CCP110: variants seen among roughly 807,000 people sequenced by gnomAD.
CCP110 encodes the protein centriolar coiled-coil protein of 110 kDa.
Under a neutral mutation model 105.5 loss-of-function variants are expected in CCP110, and 43 were observed. That is an observed-to-expected ratio of 0.41 (90% CI 0.32 to 0.53). The LOEUF (loss-of-function observed/expected upper bound fraction) is 0.53. CCP110 is among the 20% of genes least tolerant of loss of function. The probability of loss-of-function intolerance (pLI) is 0.32; values close to 1 mark genes in which losing one functional copy is unlikely to be tolerated. For synonymous variants in CCP110, 353 were observed against 392.1 expected (o/e 0.90, Z 1.18); for missense variants, 1,016 against 1,189.1 (o/e 0.85, Z 2.14).
At chr16:19,532,658 C>G (rs1264262451) in intron 3 of CCP110, 114 bp downstream of exon 3, 25 of 819,934 alleles carry the variant, frequency 3.0e-5, no homozygotes, top group Non-Finnish European at 4.3e-5. Flanking sequence ...TTTACTGTTA[C>G]GTTTGAGAAG....
At chr16:19,536,148 A>G (rs1304924670) in exon 4 of CCP110, 4 of 1,613,764 alleles carry the variant, frequency 2.5e-6, no homozygotes, top group Non-Finnish European at 3.4e-6. Context: ...GATGGAATAG[A>G]CTTAGCTAGA....
intron 5 of CCP110, among the ~76,000 whole-genome samples, 164 bp from the exon 6 acceptor site, chr16:19,541,723 A>C: frequency 7.0e-6 from 1 of 143,414 alleles, no homozygotes; most frequent in African/African-American, 2.5e-5. Context: ...GAGGGAGGGA[A>C]GGGAAGGGAA....
At chr16:19,538,025 A>G (rs1428678631) in intron 4 of CCP110, among the ~76,000 whole-genome samples, 1 of 152,136 alleles carries the variant, frequency 6.6e-6, no homozygotes, top group Non-Finnish European at 1.5e-5. Context: ...CAGCCTCCCA[A>G]AGCTGTGGGA....
At chr16:19,549,439 A>T (rs1970563728) in intron 14 of CCP110, among the ~76,000 whole-genome samples, 1 of 152,214 alleles carries the variant, frequency 6.6e-6, no homozygotes, top group Non-Finnish European at 1.5e-5. Flanking sequence ...TTTCCTTCAA[A>T]TTAGGAGGGA....
In CCP110 at chr16:19,538,687, T is replaced by C. The variant is rs546013769; in HGVS notation, c.1918+1100T>C. ...ATGAGGTCTTTCTTTTGGACTATAGTTTCTAATGTTTATTTCAGTTTGCTT... is the reference window on the plus strand; with the variant it reads ...ATGAGGTCTTTCTTTTGGACTATAGCTTCTAATGTTTATTTCAGTTTGCTT... On this transcript the variant is annotated intron_variant, in intron 4 of 14. Transcript: ENST00000381396. Among the ~76,000 whole-genome samples, 7 of 152,272 alleles carry C rather than the reference T, an allele frequency of 4.6e-5. No homozygotes were observed. The East Asian group carries it at 1.4e-3, about 29-fold the overall frequency.
chr16:19,544,446 A>G (rs895116114), intron 8 of CCP110, among the ~76,000 whole-genome samples: 1 of 152,204 alleles, frequency 6.6e-6, no homozygotes, highest in Non-Finnish European at 1.5e-5. Flanking sequence ...GAAAAAACAA[A>G]TGATGGTTGT....
exon 4 of CCP110, chr16:19,537,045 A>G (rs1420450040): frequency 2.5e-6 from 4 of 1,614,120 alleles, no homozygotes; most frequent in Non-Finnish European, 3.4e-6. Flanking sequence ...GGTAAATCAA[A>G]TCAGGTATGT....
At chr16:19,542,910 C>T (rs781706317) in exon 8 of CCP110, 3 of 1,612,646 alleles carry the variant, frequency 1.9e-6, no homozygotes, top group African/African-American at 1.3e-5. Flanking sequence ...CAAAATTTAA[C>T]AAAATAACTG....
chr16:19,537,071 C>A, exon 4 of CCP110: 2 of 1,614,168 alleles, frequency 1.2e-6, no homozygotes, highest in South Asian at 1.1e-5. Flanking sequence ...TTCAGGAAAT[C>A]ATTTAGAAAA....
exon 4 of CCP110, chr16:19,536,083 G>A: frequency 6.2e-7 from 1 of 1,614,120 alleles, no homozygotes; most frequent in Non-Finnish European, 8.5e-7. Context: ...CTGCAGCAAA[G>A]CTTGATAAGA....
chr16:19,539,789 A>G (rs950414698), intron 4 of CCP110, among the ~76,000 whole-genome samples: 1 of 151,594 alleles, frequency 6.6e-6, no homozygotes, highest in Non-Finnish European at 1.5e-5. Flanking sequence ...TAAGACCAAC[A>G]GAGTGGAAAT....
Position 19,544,852 on chromosome 16 carries a change from T to C in CCP110, c.2540T>C (p.Ile847Thr), listed in dbSNP as rs780305663. The C allele has an allele frequency of 2.2e-5, 35 of 1,606,032 alleles. 1 individual carries two copies. In the East Asian group the frequency reaches 2.5e-4, roughly 11 times the overall value. The change falls in exon 9 of 15, where the codon ATT (isoleucine) becomes ACT (threonine). Residue 847 changes from isoleucine to threonine, a missense_variant. By Grantham distance (89) the Ile-to-Thr change is moderately conservative. Coordinates refer to ENST00000381396, the Ensembl canonical transcript of CCP110. ...TCAGAAGCACCATTAAAGAGAGGCATTGTTTCAGCTCAAGATGCTTCACTT... is the reference window on the plus strand; with the variant it reads ...TCAGAAGCACCATTAAAGAGAGGCACTGTTTCAGCTCAAGATGCTTCACTT...
At chr16:19,539,208 C>T (rs1035009531) in intron 4 of CCP110, among the ~76,000 whole-genome samples, 27 of 151,990 alleles carry the variant, frequency 1.8e-4, no homozygotes, top group African/African-American at 6.3e-4. Context: ...TATTAAAGCA[C>T]GTTTTTCTCC....
Position 19,534,688 on chromosome 16 carries a change from T to G in CCP110, c.271-1252T>G, listed in dbSNP as rs563079897. ...ATTGCATAGTACCTGGAAACCTTTTTGCATCTTTTTTGTTTTATTTTGGTT... is the reference window on the plus strand; with the variant it reads ...ATTGCATAGTACCTGGAAACCTTTTGGCATCTTTTTTGTTTTATTTTGGTT... On this transcript the variant is annotated intron_variant, in intron 3 of 14. Transcript: ENST00000381396. Among the ~76,000 whole-genome samples the G allele has an allele frequency of 3.7e-4, 57 of 152,234 alleles. No homozygotes were observed. The Middle Eastern group carries it at 0.01, about 27-fold the overall frequency.
chr16:19,542,143 ATC>A, intron 6 of CCP110, 79 bp downstream of exon 6: 1 of 967,404 alleles, frequency 1.0e-6, no homozygotes, highest in South Asian at 1.8e-5. Context: ...ATAAGATTAT[ATC>A]TCCTGTTTTC....
chr16:19,545,273 T>A, intron 10 of CCP110, 63 bp downstream of exon 10: 1 of 900,328 alleles, frequency 1.1e-6, no homozygotes, highest in Non-Finnish European at 1.7e-6. Flanking sequence ...ATACTAAATG[T>A]CAGTTTTGGT....
At chr16:19,537,095 G>A (rs753805350) in exon 4 of CCP110, 1 of 1,614,168 alleles carries the variant, frequency 6.2e-7, no homozygotes, top group South Asian at 1.1e-5. Context: ...AGTTACTCAT[G>A]GACTTGTTAC....
Sources: allele counts gnomAD v4.1 joint callset (sites outside exome capture counted in the v4.1 genomes callset), GRCh38; gene constraint gnomAD v4.1.1; transcripts MANE v1.5; gene names NCBI Gene and HGNC (gene_info 2026-07-23, HGNC 2026-07-21).